Variants in LRRC1 observed in about 807,000 individuals in gnomAD.
The protein encoded by LRRC1 is leucine rich repeat containing 1.
In LRRC1, 28 loss-of-function variants were observed where a neutral mutation model predicts 69.9. The observed-to-expected ratio is 0.40, with a 90% CI of 0.30 to 0.55. The LOEUF (loss-of-function observed/expected upper bound fraction) is 0.55, where lower values mean the gene tolerates loss of function less well. Ranked by LOEUF, LRRC1 falls within the 20% of genes least tolerant of loss-of-function variation. LRRC1 has a pLI of 0.47. For synonymous variants in LRRC1, 236 were observed against 240.2 expected (o/e 0.98, Z 0.16); for missense variants, 498 against 609.0 (o/e 0.82, Z 1.92).
intron 2 of LRRC1, among the ~76,000 whole-genome samples, chr6:53,872,312 A>T (rs1766913547): frequency 6.6e-6 from 1 of 152,130 alleles, no homozygotes; most frequent in African/African-American, 2.4e-5. Context: ...GTATTTGGTT[A>T]CATAAGTTCT....
At chr6:53,899,451 C>A (rs765514278) in intron 7 of LRRC1, among the ~76,000 whole-genome samples, 2 of 152,164 alleles carry the variant, frequency 1.3e-5, no homozygotes, top group African/African-American at 4.8e-5. Context: ...AATTGTGTGA[C>A]CCTGCAGTCG....
chr6:53,885,945 A>G (rs989159562), intron 4 of LRRC1, among the ~76,000 whole-genome samples: 4 of 152,112 alleles, frequency 2.6e-5, no homozygotes, highest in South Asian at 2.1e-4. Flanking sequence ...TTGCCATAGG[A>G]CAGTTGGTTC....
At chr6:53,868,154 AT>A (rs914257658) in intron 2 of LRRC1, among the ~76,000 whole-genome samples, 4 of 151,922 alleles carry the variant, frequency 2.6e-5, no homozygotes, top group African/African-American at 9.7e-5. Context: ...GGGTTTAATC[AT>A]TATTGCTTCT....
At chr6:53,884,283 T>C in intron 4 of LRRC1, 1 of 376,930 alleles carries the variant, frequency 2.7e-6, no homozygotes, top group South Asian at 3.3e-5. Context: ...GGTGGGAGGA[T>C]TCCTTGAGCC....
chr6:53,847,820 A>G (rs187408516), intron 2 of LRRC1, among the ~76,000 whole-genome samples: 101 of 152,342 alleles, frequency 6.6e-4, no homozygotes, highest in African/African-American at 2.3e-3. Flanking sequence ...TGCCCTGAAA[A>G]GAGCTCGTTC....
intron 3 of LRRC1, 33 bp from the exon 4 acceptor site, chr6:53,882,853 AT>A: frequency 4.3e-6 from 6 of 1,398,952 alleles, no homozygotes; most frequent in Non-Finnish European, 6.0e-6. Context: ...AACTTTTTTA[AT>A]TTACAGCGTT....
chr6:53,913,831 A>G (rs755968655), intron 10 of LRRC1, 23 bp from the exon 11 acceptor site: 1 of 1,530,618 alleles, frequency 6.5e-7, no homozygotes, highest in Non-Finnish European at 9.0e-7. Context: ...TGGAAAAAAG[A>G]TGTATTTTCT....
intron 4 of LRRC1, among the ~76,000 whole-genome samples, chr6:53,887,211 C>T (rs527477832): frequency 1.2e-3 from 183 of 152,224 alleles, no homozygotes; most frequent in African/African-American, 4.0e-3. Context: ...GCTTCTGTTG[C>T]TCTAAAACCT....
At chr6:53,827,269 C>G (rs1765295786) in intron 1 of LRRC1, among the ~76,000 whole-genome samples, 1 of 148,740 alleles carries the variant, frequency 6.7e-6, no homozygotes, top group Non-Finnish European at 1.5e-5. Context: ...CTCTAAATAT[C>G]CTGAGTTGGA....
chr6:53,855,956 G>T (rs894922733), intron 2 of LRRC1, among the ~76,000 whole-genome samples: 4 of 152,172 alleles, frequency 2.6e-5, no homozygotes, highest in Non-Finnish European at 5.9e-5. Context: ...CAGCTCATTG[G>T]CATCTTCTGA....
At chr6:53,801,510 A>T (rs996257963) in intron 1 of LRRC1, among the ~76,000 whole-genome samples, 2 of 152,224 alleles carry the variant, frequency 1.3e-5, no homozygotes, top group Non-Finnish European at 2.9e-5. Flanking sequence ...TCCCCTTTAT[A>T]GTGCTGATCT....
chr6:53,916,157 C>T (rs1768558734), intron 11 of LRRC1, among the ~76,000 whole-genome samples: 1 of 152,168 alleles, frequency 6.6e-6, no homozygotes, highest in South Asian at 2.1e-4. Context: ...GCACAGAACA[C>T]AAAATTCCTT....
chr6:53,904,064 A>G (rs2127438299), intron 9 of LRRC1, among the ~76,000 whole-genome samples: 1 of 152,374 alleles, frequency 6.6e-6, no homozygotes, highest in Non-Finnish European at 1.5e-5. Flanking sequence ...CAGGGCAGGA[A>G]TGAATCTTGA....
At chr6:53,916,332 A>G (rs1768564245) in intron 11 of LRRC1, among the ~76,000 whole-genome samples, 1 of 152,194 alleles carries the variant, frequency 6.6e-6, no homozygotes, top group Non-Finnish European at 1.5e-5. Context: ...CTTTGTATGT[A>G]TCTATTACCC....
Position 53,902,723 on chromosome 6 carries a change from A to G in LRRC1, c.882A>G (p.Leu294=). Residue 294 remains leucine (L), a synonymous_variant, in exon 9 of 14, where the codon TTA becomes TTG. Coordinates refer to ENST00000370888, the MANE Select transcript of LRRC1 (RefSeq NM_018214.5). ...GGGAATGTGAAAGTCTCACTGAGTT[A>G]GTTCTTACAGAAAATCAGCTCCTGG... ...AVGECESLTE[L]VLTENQLLTL... 1.9e-6 allele frequency: 3 copies of G among 1,612,300 alleles called. No homozygotes were observed. The highest frequency in any genetic ancestry group is 1.7e-5 in the Admixed American group (1 of 59,912).
rs78299069 is a variant in LRRC1 at position 53,866,435 on chromosome 6, G to A, written c.278-12558G>A. ...TACGTGTTGTTGAATGCCTGCCAAG[G>A]CCCCACACTGTGGCGATGGTGGGGC... is the stretch of plus-strand genomic sequence containing the variant. On this transcript the variant is annotated intron_variant, in intron 2 of 13. Transcript: ENST00000370888. Among the ~76,000 whole-genome samples the A allele has an allele frequency of 8.6e-3, 1,315 of 152,218 alleles. 25 individuals carry two copies. The highest frequency in any genetic ancestry group is 0.029 in the African/African-American group (1,205 of 41,504).
chr6:53,806,807 C>G (rs1050959498), intron 1 of LRRC1, among the ~76,000 whole-genome samples: 1 of 152,120 alleles, frequency 6.6e-6, no homozygotes, highest in Admixed American at 6.5e-5. Flanking sequence ...TTCCCAGAAC[C>G]AATTAAGGAA....
At chr6:53,844,261 G>A (rs1247306374) in intron 2 of LRRC1, among the ~76,000 whole-genome samples, 1 of 152,218 alleles carries the variant, frequency 6.6e-6, no homozygotes, top group African/African-American at 2.4e-5. Flanking sequence ...CAGTGACTTT[G>A]TAAAATGGTC....
chr6:53,800,500 C>A (rs1036811518), intron 1 of LRRC1, among the ~76,000 whole-genome samples: 2 of 151,646 alleles, frequency 1.3e-5, no homozygotes, highest in East Asian at 1.9e-4. Context: ...GATCTGCCTG[C>A]CTCCGTCTCC....
Sources: allele counts gnomAD v4.1 joint callset (sites outside exome capture counted in the v4.1 genomes callset), GRCh38; gene constraint gnomAD v4.1.1; transcripts MANE v1.5; gene names NCBI Gene and HGNC (gene_info 2026-07-23, HGNC 2026-07-21).